EFHC2: variants seen among roughly 807,000 people sequenced by gnomAD.
The protein encoded by EFHC2 is EF-hand domain-containing family member C2.
In EFHC2, 18 loss-of-function variants were observed where a neutral mutation model predicts 52.7. That is an observed-to-expected ratio of 0.34 (90% CI 0.24 to 0.51). EFHC2 has a LOEUF of 0.51. EFHC2 is among the 20% of genes least tolerant of loss of function. The pLI is 0.97. For synonymous variants in EFHC2, 203 were observed against 204.1 expected, an observed-to-expected ratio of 0.99 and a Z score of 0.04; for missense variants, 513 against 562.5, an observed-to-expected ratio of 0.91 and a Z score of 0.89.
At chrX:44,263,380 T>A (rs1225334485) in intron 3 of EFHC2, among the ~76,000 whole-genome samples, 1 of 112,437 alleles carries the variant, frequency 8.9e-6, no homozygotes, top group Non-Finnish European at 1.9e-5. Context: ...TGCCAGGAAC[T>A]GTGTTGGGCT....
intron 14 of EFHC2, among the ~76,000 whole-genome samples, chrX:44,151,618 C>A (rs1192725770): frequency 9.0e-6 from 1 of 111,596 alleles, no homozygotes; most frequent in Admixed American, 9.5e-5. Flanking sequence ...CCAATCAATG[C>A]ATTTAGGGTC....
intron 13 of EFHC2, among the ~76,000 whole-genome samples, chrX:44,171,988 A>G (rs923835098): frequency 4.5e-5 from 5 of 111,934 alleles, no homozygotes; most frequent in Non-Finnish European, 9.4e-5. Flanking sequence ...CCTCACTGCC[A>G]GGTATTGTTG....
chrX:44,185,312 T>A (rs955191762), intron 11 of EFHC2, among the ~76,000 whole-genome samples: 2 of 111,992 alleles, frequency 1.8e-5, no homozygotes, highest in East Asian at 5.6e-4. Context: ...ACTCCAGGTG[T>A]GCCTTCTTTT....
At chrX:44,247,614 G>A (rs769164025) in intron 7 of EFHC2, among the ~76,000 whole-genome samples, 2 of 111,115 alleles carry the variant, frequency 1.8e-5, no homozygotes, top group East Asian at 5.7e-4. Flanking sequence ...CACATCCTCC[G>A]CCAGCTTCCA....
chrX:44,300,819 A>C (rs769817373), intron 2 of EFHC2, among the ~76,000 whole-genome samples: 1 of 110,848 alleles, frequency 9.0e-6, no homozygotes, highest in East Asian at 2.9e-4. Flanking sequence ...ACTATTATAA[A>C]ACCTAACATC....
chrX:44,296,583 G>C (rs767697621), intron 2 of EFHC2, among the ~76,000 whole-genome samples: 2 of 111,691 alleles, frequency 1.8e-5, no homozygotes, highest in Non-Finnish European at 3.8e-5. Context: ...GAGGATCATG[G>C]TATAAAATCT....
chrX:44,338,608 T>C (rs889780673), intron 1 of EFHC2, among the ~76,000 whole-genome samples: 1 of 109,135 alleles, frequency 9.2e-6, no homozygotes, highest in African/African-American at 3.4e-5. Context: ...CCAGTTCACA[T>C]ACATACACAA....
In EFHC2 at chrX:44,148,794, G is replaced by A. The variant is rs1477796220; in HGVS notation, c.*1C>T. 1 of 1,174,329 alleles carries A rather than the reference G, an allele frequency of 8.5e-7. No homozygotes were observed. The highest frequency in any genetic ancestry group is 1.9e-5 in the South Asian group (1 of 51,976). The stretch of plus-strand genomic sequence containing the variant: ...TAGAGAATTGACCAAAACTGGCATG[G>A]TTATTCCTCCTCTAAGCCAAACGCG... On this transcript the variant is annotated 3_prime_UTR_variant, in exon 15 of 15. Coordinates refer to ENST00000420999, the MANE Select transcript of EFHC2 (RefSeq NM_025184.4).
chrX:44,192,921 C>T (rs1397187262), intron 11 of EFHC2, among the ~76,000 whole-genome samples: 1 of 110,414 alleles, frequency 9.1e-6, no homozygotes, highest in African/African-American at 3.3e-5. Flanking sequence ...TCTGAATGGA[C>T]CCCTCCTCTC....
At chrX:44,235,030 A>G (rs912098183) in intron 9 of EFHC2, among the ~76,000 whole-genome samples, 6 of 111,544 alleles carry the variant, frequency 5.4e-5, no homozygotes, top group Non-Finnish European at 9.4e-5. Flanking sequence ...GGTACCTCAG[A>G]GGCCACAGCG....
intron 2 of EFHC2, among the ~76,000 whole-genome samples, chrX:44,290,164 T>G (rs775776157): frequency 8.9e-6 from 1 of 111,781 alleles, no homozygotes; most frequent in Non-Finnish European, 1.9e-5. Context: ...CTTTTTCCAT[T>G]GCATTTCAGG....
intron 2 of EFHC2, among the ~76,000 whole-genome samples, chrX:44,298,352 C>T (rs2037842413): frequency 9.0e-6 from 1 of 111,537 alleles, no homozygotes; most frequent in Non-Finnish European, 1.9e-5. Flanking sequence ...AGCTAGATTC[C>T]AGGGCAGATG....
intron 11 of EFHC2, among the ~76,000 whole-genome samples, chrX:44,216,999 A>T (rs989136364): frequency 1.8e-5 from 2 of 112,163 alleles, no homozygotes; most frequent in Non-Finnish European, 3.8e-5. Flanking sequence ...CAGAATATAT[A>T]AAAAGCTCAA....
chrX:44,323,187 A>G (rs1443434379), intron 1 of EFHC2, among the ~76,000 whole-genome samples: 1 of 112,506 alleles, frequency 8.9e-6, no homozygotes, highest in African/African-American at 3.2e-5. Flanking sequence ...GTTAAATGTC[A>G]CTTTTAACAC....
chrX:44,333,142 C>T (rs1267183669), intron 1 of EFHC2, among the ~76,000 whole-genome samples: 2 of 111,611 alleles, frequency 1.8e-5, no homozygotes, highest in Non-Finnish European at 3.8e-5. Flanking sequence ...CAAAGAGCCA[C>T]CAATCACAGT....
At chrX:44,264,381 C>T (rs1481131775) in intron 3 of EFHC2, among the ~76,000 whole-genome samples, 7 of 112,085 alleles carry the variant, frequency 6.2e-5, no homozygotes, top group African/African-American at 1.3e-4. Flanking sequence ...GAGATGCCCA[C>T]CCACTGCTAT....
At chrX:44,327,112 C>G (rs778250906) in intron 1 of EFHC2, among the ~76,000 whole-genome samples, 1 of 111,608 alleles carries the variant, frequency 9.0e-6, no homozygotes, top group South Asian at 3.8e-4. Context: ...GGAATGCAAA[C>G]CCAACACCTG....
At chrX:44,340,497 A>T (rs888776253) in intron 1 of EFHC2, among the ~76,000 whole-genome samples, 3 of 104,643 alleles carry the variant, frequency 2.9e-5, no homozygotes, top group Non-Finnish European at 5.9e-5. Context: ...ACTAAAAATT[A>T]AAAAAAAAAA....
Position 44,212,864 on chromosome X carries a change from A to AC in EFHC2, c.1751+16784dup, listed in dbSNP as rs765455079. ...GTAGCTGGGATTACAGGCATGAGCC[A>AC]CCATGCCAGGCTGATTTTTTTTTTA... On this transcript the variant is annotated intron_variant, in intron 11 of 14. Coordinates refer to ENST00000420999, the MANE Select transcript of EFHC2 (RefSeq NM_025184.4). 5.5e-5 allele frequency among the ~76,000 whole-genome samples: 6 copies of AC among 109,205 alleles called. No individual in the cohort carries two copies. The Admixed American group carries it at 5.8e-4, about 11-fold the overall frequency. The allele number at this position is 109,205 out of a possible 115,157, so 94.8% of individuals were successfully genotyped here.
Sources: allele counts gnomAD v4.1 joint callset (sites outside exome capture counted in the v4.1 genomes callset), GRCh38; gene constraint gnomAD v4.1.1; transcripts MANE v1.5; gene names NCBI Gene and HGNC (gene_info 2026-07-23, HGNC 2026-07-21).